Variants in ARSF observed in about 807,000 individuals in gnomAD.
ARSF encodes the protein arylsulfatase F.
In ARSF, 33 loss-of-function variants were observed where a neutral mutation model predicts 35.4. The ratio of observed to expected loss-of-function variants is 0.93; its 90% CI spans 0.71 to 1.25. The LOEUF (loss-of-function observed/expected upper bound fraction) is 1.25. Ranked by LOEUF, ARSF falls within the 50% of genes most tolerant of loss-of-function variation. The pLI, the probability that ARSF is intolerant of heterozygous loss-of-function variation, is 0.00. For missense variants in ARSF, 501 were observed against 480.2 expected, an observed-to-expected ratio of 1.04 and a Z score of -0.40; for synonymous variants, 222 against 193.1, an observed-to-expected ratio of 1.15 and a Z score of -1.24.
At chrX:3,076,756 A>G (rs2090155389) in intron 4 of ARSF, 87 bp downstream of exon 4, 4 of 1,122,212 alleles carry the variant, frequency 3.6e-6, no homozygotes, top group East Asian at 6.2e-5. Context: ...GTTAACAAGT[A>G]AAAAAGGGCT....
Position 3,089,476 on chromosome X carries a change from T to A in ARSF, c.831-20T>A. On this transcript the variant is annotated intron_variant, in intron 6 of 10. Coordinates refer to ENST00000381127, the MANE Select transcript of ARSF (RefSeq NM_001201539.2). ...ATAGATATTGAAAACTCACAAGTAG[T>A]TTCATTGATGTCTTCTCAGGCACAG... The A allele has an allele frequency of 1.7e-6, 2 of 1,208,788 alleles. No individual in the cohort carries two copies. The highest frequency in any genetic ancestry group is 2.2e-6 in the Non-Finnish European group (2 of 893,604).
At chrX:3,093,975 G>C (rs1279722223) in intron 7 of ARSF, among the ~76,000 whole-genome samples, 1 of 111,683 alleles carries the variant, frequency 9.0e-6, no homozygotes, top group East Asian at 2.8e-4. Context: ...AGTAATGATA[G>C]ATTGATAGAT....
intron 4 of ARSF, 148 bp from the exon 5 acceptor site, chrX:3,080,743 A>ACCCTCCTGACCTCATC (rs1779878859): frequency 1.6e-6 from 1 of 635,088 alleles, no homozygotes; most frequent in Non-Finnish European, 2.3e-6. Flanking sequence ...TTGAGGCTCC[A>ACCCTCCTGACCTCATC]CCCTCCTGAC....
rs776573939 is a variant in ARSF at position 3,076,617 on chromosome X, C to A, written c.231C>A (p.Leu77=). The change falls in exon 4 of 11, where the codon CTC becomes CTA. Residue 77 remains leucine, a synonymous_variant. Transcript: ENST00000381127. ...RLTQHISAAS[L]CSPSRSAFLT... Reference sequence around the variant, plus strand: ...CTCAGCACATCTCTGCCGCCTCCCTCTGCAGCCCAAGCCGGTCCGCGTTCT... The same window carrying A: ...CTCAGCACATCTCTGCCGCCTCCCTATGCAGCCCAAGCCGGTCCGCGTTCT... 1 of 1,211,695 alleles carries A rather than the reference C, an allele frequency of 8.3e-7. No individual in the cohort carries two copies. The highest frequency in any genetic ancestry group is 1.1e-6 in the Non-Finnish European group (1 of 895,525).
Position 3,112,687 on chromosome X carries a change from A to G in ARSF, c.*131A>G. 1 of 960,631 alleles carries G rather than the reference A, an allele frequency of 1.0e-6. No individual in the cohort carries two copies. Among genetic ancestry groups the G allele is most frequent in the Non-Finnish European group, 1.3e-6 (1 of 742,892 alleles). The allele number at this position is 960,631 out of a possible 1,213,427, so 79.2% of individuals were successfully genotyped here. Reference sequence around the variant, plus strand: ...AGTGCATTTAATAGTCAATAAATTCATCTACCATTCCAGATTATTAAAGGC... The same window carrying G: ...AGTGCATTTAATAGTCAATAAATTCGTCTACCATTCCAGATTATTAAAGGC... On this transcript the variant is annotated 3_prime_UTR_variant, in exon 11 of 11. Coordinates refer to ENST00000381127, the MANE Select transcript of ARSF (RefSeq NM_001201539.2).
Position 3,101,190 on chromosome X carries a change from C to A in ARSF, c.1071C>A (p.Ala357=), listed in dbSNP as rs1323152155. 4.1e-6 allele frequency: 5 copies of A among 1,209,169 alleles called. No individual in the cohort carries two copies. The Admixed American group carries it at 1.1e-4, about 27-fold the overall frequency. The change falls in exon 8 of 11, where the codon GCC becomes GCA. Residue 357 remains alanine (A), a synonymous_variant. Transcript: ENST00000381127. The part of the protein sequence containing the change: ...GGHLEARRGH[A]QLGGWNGIYK... ...ATTTGGAAGCTAGGCGAGGGCATGC[C>A]CAACTTGGTGGATGGAATGGAATAT...
intron 4 of ARSF, among the ~76,000 whole-genome samples, chrX:3,080,472 C>CG (rs1555920069): frequency 5.3e-5 from 5 of 93,731 alleles, no homozygotes; most frequent in African/African-American, 2.0e-4. Context: ...GACTTCATCT[C>CG]AAAAAAAAAA....
At chrX:3,103,140 C>A (rs1318139675) in intron 8 of ARSF, among the ~76,000 whole-genome samples, 2 of 111,147 alleles carry the variant, frequency 1.8e-5, no homozygotes, top group Admixed American at 9.7e-5. Context: ...CCATAGTATT[C>A]CATTTGTTTT....
intron 1 of ARSF, among the ~76,000 whole-genome samples, chrX:3,063,823 A>C (rs1011681900): frequency 1.2e-4 from 13 of 112,235 alleles, no homozygotes; most frequent in Admixed American, 9.5e-4. Flanking sequence ...CAAATGGAAG[A>C]ACATTCCATG....
At position 3,112,266 on chromosome X, in the gene ARSF, G is replaced by A. The variant is rs150949465; in HGVS notation, c.1483G>A (p.Gly495Arg). ...TGTCACCTCATTATGCAGATGTTTC[G>A]GAGAACAGGTTACCTACCACAACCC... ...CYVTSLCRCF[G>R]EQVTYHNPPL... is the part of the protein sequence containing the mutation. Residue 495 changes from glycine (G) to arginine (R), a missense_variant, in exon 11 of 11, where the codon GGA becomes AGA. Coordinates refer to ENST00000381127, the MANE Select transcript of ARSF (RefSeq NM_001201539.2). 2.4e-5 allele frequency: 29 copies of A among 1,208,006 alleles called. No homozygotes were observed. The highest frequency in any genetic ancestry group is 4.6e-4 in the Middle Eastern group (2 of 4,372).
chrX:3,050,640 T>C lies in ARSF; in HGVS notation c.-29+8977T>C, dbSNP rs1414926941. Among the ~76,000 whole-genome samples the C allele has an allele frequency of 1.5e-3, 161 of 110,310 alleles. 1 individual carries two copies. Among genetic ancestry groups the C allele is most frequent in the African/African-American group, 4.8e-3 (147 of 30,333 alleles). The stretch of plus-strand genomic sequence containing the variant: ...TAGCTGACCTAAGAGATCAAGTGTA[T>C]GGTTGACCTTTAGACTTGGGGTTTT... On this transcript the variant is annotated intron_variant, in intron 1 of 10. Transcript: ENST00000381127.
chrX:3,088,159 G>T (rs2090261981), intron 6 of ARSF, among the ~76,000 whole-genome samples: 1 of 111,573 alleles, frequency 9.0e-6, no homozygotes, highest in African/African-American at 3.3e-5. Context: ...AGAACCTACA[G>T]GGTGCAAATG....
chrX:3,081,484 G>A (rs1032436767), intron 5 of ARSF, among the ~76,000 whole-genome samples: 9 of 110,293 alleles, frequency 8.2e-5, no homozygotes, highest in African/African-American at 3.0e-4. Flanking sequence ...CTACAGGCGC[G>A]TGCCACCACG....
intron 3 of ARSF, among the ~76,000 whole-genome samples, chrX:3,073,099 C>T (rs1159235306): frequency 2.1e-5 from 2 of 94,460 alleles, no homozygotes; most frequent in African/African-American, 7.7e-5. Context: ...TATAAAAGTA[C>T]ATTTAAATAA....
chrX:3,102,728 A>G (rs749781907), intron 8 of ARSF, among the ~76,000 whole-genome samples: 1 of 111,599 alleles, frequency 9.0e-6, no homozygotes, highest in South Asian at 3.8e-4. Flanking sequence ...TCTGGCCAAC[A>G]TGGTGAAACT....
intron 4 of ARSF, among the ~76,000 whole-genome samples, chrX:3,079,882 T>C (rs1187073247): frequency 1.0e-5 from 1 of 99,458 alleles, no homozygotes; most frequent in African/African-American, 3.8e-5. Context: ...TTGCTTGAAC[T>C]CAGGAGGCAG....
At chrX:3,084,219 A>G (rs754491985) in intron 5 of ARSF, 24 bp from the exon 6 acceptor site, 5 of 1,202,515 alleles carry the variant, frequency 4.2e-6, no homozygotes, top group African/African-American at 1.8e-5. Context: ...TGATGCGTAG[A>G]TGTGTTTGTG....
At chrX:3,061,321 A>T (rs1224794263) in intron 1 of ARSF, among the ~76,000 whole-genome samples, 2 of 111,660 alleles carry the variant, frequency 1.8e-5, no homozygotes, top group Non-Finnish European at 3.8e-5. Context: ...ATGGAAAGGA[A>T]CAACCAGTAC....
At chrX:3,061,409 A>G (rs1246222167) in intron 1 of ARSF, among the ~76,000 whole-genome samples, 1 of 111,424 alleles carries the variant, frequency 9.0e-6, no homozygotes, top group Non-Finnish European at 1.9e-5. Context: ...GAGCAAAATA[A>G]CCAGCTAACA....
Sources: allele counts gnomAD v4.1 joint callset (sites outside exome capture counted in the v4.1 genomes callset), GRCh38; gene constraint gnomAD v4.1.1; transcripts MANE v1.5; gene names NCBI Gene and HGNC (gene_info 2026-07-23, HGNC 2026-07-21).